Variants in KIF1B observed in about 807,000 individuals in gnomAD.
The protein encoded by KIF1B is kinesin-like protein KIF1B.
KIF1B carries 76 observed loss-of-function variants against 241.9 expected under a neutral mutation model. That is an observed-to-expected ratio of 0.31 (90% CI 0.26 to 0.38). The LOEUF (loss-of-function observed/expected upper bound fraction) is 0.38. Among genes scored for constraint, KIF1B ranks in the 10% least tolerant of loss-of-function variants. The pLI is 1.00. For synonymous variants in KIF1B, 750 were observed against 796.7 expected (o/e 0.94, Z 0.99); for missense variants, 1,622 against 2,271.4 (o/e 0.71, Z 5.81).
chr1:10,301,326 G>C (rs147655779), intron 22 of KIF1B, among the ~76,000 whole-genome samples: 1 of 152,146 alleles, frequency 6.6e-6, no homozygotes, highest in Non-Finnish European at 1.5e-5. Context: ...CTACTCATCT[G>C]TGAGTTGAGT....
At chr1:10,316,020 C>T (rs1350811679) in intron 22 of KIF1B, among the ~76,000 whole-genome samples, 1 of 144,784 alleles carries the variant, frequency 6.9e-6, no homozygotes, top group African/African-American at 2.7e-5. Flanking sequence ...TGTGCCACTG[C>T]ACTCCAGCCT....
intron 22 of KIF1B, among the ~76,000 whole-genome samples, chr1:10,314,821 C>T (rs549387759): frequency 6.6e-6 from 1 of 151,612 alleles, no homozygotes; most frequent in Non-Finnish European, 1.5e-5. Context: ...ATCCTCATAC[C>T]TTAACTGTCA....
At chr1:10,363,692 CAAAAA>C (rs1638487876) in intron 41 of KIF1B, among the ~76,000 whole-genome samples, 1 of 151,040 alleles carries the variant, frequency 6.6e-6, no homozygotes. Flanking sequence ...GACTCAGTCT[CAAAAA>C]AGAAAAAGAA....
At chr1:10,351,085 A>AC (rs1039508174) in intron 37 of KIF1B, among the ~76,000 whole-genome samples, 39 of 151,192 alleles carry the variant, frequency 2.6e-4, no homozygotes, top group Non-Finnish European at 4.3e-4. Flanking sequence ...AAAAAAAAAA[A>AC]AAAAAGAATC....
In KIF1B at chr1:10,271,469, T is replaced by C. The variant is rs201800715; in HGVS notation, c.721-33T>C. On this transcript the variant is annotated intron_variant, in intron 7 of 48. Transcript: ENST00000676179. ...TTTCCTGCTTCTATCTTGCTTATTT[T>C]TGAATTGCCCCCATGTTATTGTTCT... 3.5e-5 allele frequency: 52 copies of C among 1,488,420 alleles called. No individual in the cohort carries two copies. In the African/African-American group the frequency reaches 6.3e-4, roughly 18 times the overall value. 92.2% of individuals were successfully genotyped at this position (1,488,420 alleles called of 1,614,324 possible).
chr1:10,361,964 A>T, intron 40 of KIF1B, 139 bp downstream of exon 40: 1 of 918,822 alleles, frequency 1.1e-6, no homozygotes, highest in South Asian at 1.3e-5. Flanking sequence ...CCTGGAATGT[A>T]CTGACTTGCA....
rs936994709 is a variant in KIF1B, at chr1:10,237,556, G to T, written c.106+5122G>T. On this transcript the variant is annotated intron_variant, in intron 2 of 48. Coordinates refer to ENST00000676179, the MANE Select transcript of KIF1B (RefSeq NM_001365951.3). Reference sequence around the variant, plus strand: ...TTTGCCAGGACCTTTTTTTTCCCCAGTGCCCAATCTTGGTTGGGATAGAAG... The same window carrying T: ...TTTGCCAGGACCTTTTTTTTCCCCATTGCCCAATCTTGGTTGGGATAGAAG... Among the ~76,000 whole-genome samples, 3 of 151,890 alleles carry T rather than the reference G, an allele frequency of 2.0e-5. No homozygotes were observed. In the East Asian group the frequency reaches 5.8e-4, roughly 29 times the overall value.
At position 10,316,587 on chromosome 1, in the gene KIF1B, G is replaced by A. The variant is rs562811123; in HGVS notation, c.2116-3456G>A. 1.3e-5 allele frequency among the ~76,000 whole-genome samples: 2 copies of A among 151,304 alleles called. 1 individual carries two copies. Among genetic ancestry groups the A allele is most frequent in the African/African-American group, 4.9e-5 (2 of 40,664 alleles). On this transcript the variant is annotated intron_variant, in intron 22 of 48. Coordinates refer to ENST00000676179, the MANE Select transcript of KIF1B (RefSeq NM_001365951.3). ...ACGATCTCGGCTCACTGCACCCTCC[G>A]CCTCCCGGGCTCAAGTGATCCTCCT...
intron 24 of KIF1B, 97 bp from the exon 25 acceptor site, chr1:10,323,787 C>T: frequency 1.0e-6 from 1 of 980,358 alleles, no homozygotes; most frequent in Middle Eastern, 2.1e-4. Context: ...TTGTTGAGCA[C>T]ATTCGACCTC....
At chr1:10,282,627 T>C in intron 15 of KIF1B, 94 bp downstream of exon 15, 1 of 1,035,038 alleles carries the variant, frequency 9.7e-7, no homozygotes, top group Admixed American at 1.7e-5. Flanking sequence ...ACTCAGCATA[T>C]GGAGAACTCT....
chr1:10,232,222 C>G (rs898562068), intron 1 of KIF1B, 28 bp from the exon 2 acceptor site: 2 of 764,348 alleles, frequency 2.6e-6, no homozygotes, highest in Non-Finnish European at 4.5e-6. Context: ...TTCTGACTAC[C>G]TCATATGGAA....
At chr1:10,261,113 C>T (rs1352794291) in intron 4 of KIF1B, among the ~76,000 whole-genome samples, 1 of 147,716 alleles carries the variant, frequency 6.8e-6, no homozygotes, top group Non-Finnish European at 1.5e-5. Flanking sequence ...ACTACAGGCA[C>T]GTACCACCAC....
chr1:10,279,579 A>G (rs1471862786), intron 14 of KIF1B, among the ~76,000 whole-genome samples: 5 of 151,790 alleles, frequency 3.3e-5, no homozygotes, highest in African/African-American at 7.3e-5. Context: ...CAGCAAAACT[A>G]TCTATGATTT....
intron 2 of KIF1B, among the ~76,000 whole-genome samples, chr1:10,232,982 C>T (rs573246629): frequency 1.6e-4 from 25 of 152,280 alleles, no homozygotes; most frequent in African/African-American, 6.0e-4. Context: ...TTTATACCTG[C>T]ATTACCAAAT....
intron 43 of KIF1B, among the ~76,000 whole-genome samples, chr1:10,366,310 TAG>T (rs1638571545): frequency 6.6e-6 from 1 of 152,054 alleles, no homozygotes; most frequent in South Asian, 2.1e-4. Context: ...AAGCATATAA[TAG>T]AGATGTGTGT....
intron 47 of KIF1B, 33 bp from the exon 48 acceptor site, chr1:10,375,222 T>G: frequency 6.3e-7 from 1 of 1,578,826 alleles, no homozygotes; most frequent in African/African-American, 1.3e-5. Context: ...GTCTCTGTAG[T>G]AACTTTCTTG....
At chr1:10,295,288 T>G in intron 18 of KIF1B, 123 bp downstream of exon 18, 6 of 721,082 alleles carry the variant, frequency 8.3e-6, no homozygotes, top group Non-Finnish European at 1.5e-5. Context: ...TCTGAAATAG[T>G]TACAAACTAT....
At chr1:10,277,536 G>A (rs746278856) in intron 12 of KIF1B, among the ~76,000 whole-genome samples, 6 of 152,066 alleles carry the variant, frequency 3.9e-5, no homozygotes, top group Non-Finnish European at 7.4e-5. Flanking sequence ...GGGGGGTCTT[G>A]TTAGGTTACT....
chr1:10,323,352 G>A (rs751541621), intron 24 of KIF1B, among the ~76,000 whole-genome samples: 2 of 152,112 alleles, frequency 1.3e-5, no homozygotes, highest in African/African-American at 2.4e-5. Context: ...ATTTTATGCC[G>A]GGTGTGGTGG....
Sources: allele counts gnomAD v4.1 joint callset (sites outside exome capture counted in the v4.1 genomes callset), GRCh38; gene constraint gnomAD v4.1.1; transcripts MANE v1.5; gene names NCBI Gene and HGNC (gene_info 2026-07-23, HGNC 2026-07-21).